The following WDR72 variants were observed in gnomAD, a reference collection of about 807,000 sequenced individuals.
WDR72 encodes the protein WD repeat-containing protein 72.
A neutral mutation model predicts 124.2 loss-of-function variants in WDR72; 120 were observed. That is an observed-to-expected ratio of 0.97 (90% CI 0.83 to 1.12). The LOEUF (loss-of-function observed/expected upper bound fraction) is 1.12, where lower values mean the gene tolerates loss of function less well. Among genes scored for constraint, WDR72 ranks in the 50% most tolerant of loss-of-function variants. WDR72 has a pLI of 0.00. For missense variants in WDR72, 1,387 were observed against 1,278.8 expected (o/e 1.08, Z -1.29); for synonymous variants, 452 against 441.7 (o/e 1.02, Z -0.29).
At chr15:53,531,051 A>G (rs992361687) in intron 18 of WDR72, among the ~76,000 whole-genome samples, 15 of 152,066 alleles carry the variant, frequency 9.9e-5, no homozygotes, top group African/African-American at 3.6e-4. Context: ...AGGAAATGGA[A>G]AATAAGAAAA....
chr15:53,609,061 G>A (rs530968352), intron 17 of WDR72, among the ~76,000 whole-genome samples: 1 of 151,974 alleles, frequency 6.6e-6, no homozygotes, highest in Non-Finnish European at 1.5e-5. Context: ...CCCATTCTCT[G>A]TGATGTGATA....
Position 53,706,060 on chromosome 15 carries a change from G to T in WDR72, c.969C>A (p.Pro323=). ...SVQENKEQSR[P]FVMGYMNERK... is the part of the protein sequence containing the mutation. ...TTTCATTCATGTAGCCCATAACAAAGGGACGGCTCTGTTCCTAAACAAAAA... is the reference window on the plus strand; with the variant it reads ...TTTCATTCATGTAGCCCATAACAAATGGACGGCTCTGTTCCTAAACAAAAA... Residue 323 remains proline (P), a synonymous_variant, in exon 10 of 20, where the codon CCC becomes CCA. Coordinates refer to ENST00000360509, the MANE Select transcript of WDR72 (RefSeq NM_182758.4). The T allele has an allele frequency of 6.2e-7, 1 of 1,613,894 alleles. No homozygotes were observed. The highest frequency in any genetic ancestry group is 1.1e-5 in the South Asian group (1 of 91,074).
intron 18 of WDR72, among the ~76,000 whole-genome samples, chr15:53,568,070 TTG>T (rs1315518795): frequency 4.4e-4 from 8 of 18,386 alleles, no homozygotes; most frequent in South Asian, 2.5e-3. Context: ...ATTTTTTGTC[TTG>T]TTTTTTTTTT....
At chr15:53,693,253 A>C (rs8182039) in intron 13 of WDR72, among the ~76,000 whole-genome samples, 43,775 of 152,046 alleles carry the variant, frequency 0.29, 6,745 homozygotes, top group Admixed American at 0.33. Flanking sequence ...CCATAAAAGA[A>C]GGTGACCAAG....
At chr15:53,728,085 C>G (rs187197172) in intron 2 of WDR72, among the ~76,000 whole-genome samples, 101 of 152,318 alleles carry the variant, frequency 6.6e-4, no homozygotes, top group South Asian at 1.9e-3. Flanking sequence ...AAAGACATAA[C>G]TGAGACCGGG....
At chr15:53,534,141 T>C (rs141068196) in intron 18 of WDR72, among the ~76,000 whole-genome samples, 69 of 152,274 alleles carry the variant, frequency 4.5e-4, no homozygotes, top group African/African-American at 1.5e-3. Flanking sequence ...CTGTCATCTT[T>C]AGCTTATCTC....
In WDR72 at chr15:53,686,869, C is replaced by T. The variant is rs545467914; in HGVS notation, c.1765+12881G>A. On this transcript the variant is annotated intron_variant, in intron 13 of 19. Coordinates refer to ENST00000360509, the MANE Select transcript of WDR72 (RefSeq NM_182758.4). ...AAATTATAACAAACTGTCTCTCAGA[C>T]CACAGTGCAATCAAACTAGAGCTCA... Among the ~76,000 whole-genome samples the T allele has an allele frequency of 2.5e-3, 376 of 151,836 alleles. 2 individuals carry two copies. The highest frequency in any genetic ancestry group is 8.8e-3 in the African/African-American group (365 of 41,260).
Position 53,712,875 on chromosome 15 carries a change from T to C in WDR72, c.608A>G (p.Tyr203Cys), listed in dbSNP as rs2017587332. 2 of 1,613,602 alleles carry C rather than the reference T, an allele frequency of 1.2e-6. No individual in the cohort carries two copies. Among genetic ancestry groups the C allele is most frequent in the Non-Finnish European group, 1.7e-6 (2 of 1,179,834 alleles). Residue 203 changes from tyrosine to cysteine, a missense_variant, in exon 7 of 20, where the codon TAT becomes TGT. Coordinates refer to ENST00000360509, the MANE Select transcript of WDR72 (RefSeq NM_182758.4). ...CTCAAGAAACTTGGATTCTTTTTCA[T>C]AGACATCTTGCTTTTCCTTCAAAAG... ...INSIQEKQDV[Y>C]EKESKFLESL...
chr15:53,525,912 T>C (rs138331221), intron 18 of WDR72, among the ~76,000 whole-genome samples: 2 of 152,234 alleles, frequency 1.3e-5, no homozygotes, highest in East Asian at 1.9e-4. Flanking sequence ...ATTCTGCCAG[T>C]TGGGAATAGA....
At chr15:53,578,375 G>T (rs2011728320) in intron 18 of WDR72, among the ~76,000 whole-genome samples, 1 of 152,124 alleles carries the variant, frequency 6.6e-6, no homozygotes, top group African/African-American at 2.4e-5. Flanking sequence ...GTGGGAAAGG[G>T]GAAAAACCTT....
At chr15:53,666,585 G>A (rs1005535483) in intron 13 of WDR72, among the ~76,000 whole-genome samples, 4 of 151,940 alleles carry the variant, frequency 2.6e-5, no homozygotes, top group African/African-American at 9.7e-5. Flanking sequence ...AAATATATAG[G>A]TTATCTCCTA....
intron 18 of WDR72, among the ~76,000 whole-genome samples, chr15:53,583,729 G>A (rs913590411): frequency 6.6e-6 from 1 of 151,998 alleles, no homozygotes. Context: ...TGCAGGGTAT[G>A]TTATATAAAA....
intron 18 of WDR72, among the ~76,000 whole-genome samples, chr15:53,582,016 G>A (rs556297734): frequency 6.6e-6 from 1 of 151,932 alleles, no homozygotes; most frequent in African/African-American, 2.4e-5. Context: ...ATGCAACTCT[G>A]AAGGGAAACC....
intron 1 of WDR72, among the ~76,000 whole-genome samples, chr15:53,744,328 AAAT>A (rs1453458994): frequency 6.6e-6 from 1 of 152,220 alleles, no homozygotes; most frequent in Non-Finnish European, 1.5e-5. Context: ...CTAGAAATAT[AAAT>A]AATTTAAAGC....
chr15:53,596,911 G>T (rs1171063055), intron 18 of WDR72, among the ~76,000 whole-genome samples, 168 bp downstream of exon 18: 1 of 152,126 alleles, frequency 6.6e-6, no homozygotes, highest in African/African-American at 2.4e-5. Flanking sequence ...AACTTACAGT[G>T]GGTTTAGCCA....
At chr15:53,632,914 A>G (rs151168564) in intron 14 of WDR72, among the ~76,000 whole-genome samples, 529 of 152,240 alleles carry the variant, frequency 3.5e-3, no homozygotes, top group African/African-American at 0.012. Flanking sequence ...CATGTTTTTG[A>G]TATTACAGGC....
At chr15:53,715,073 T>C in intron 5 of WDR72, 120 bp downstream of exon 5, 1 of 1,099,788 alleles carries the variant, frequency 9.1e-7, no homozygotes, top group Non-Finnish European at 1.3e-6. Flanking sequence ...ATATCCTCAT[T>C]AACAGGTAAG....
chr15:53,609,736 A>G, intron 16 of WDR72, 144 bp from the exon 17 acceptor site: 1 of 719,912 alleles, frequency 1.4e-6, no homozygotes, highest in Non-Finnish European at 2.4e-6. Flanking sequence ...AGAGATTTTT[A>G]TTTTACAGAT....
intron 18 of WDR72, among the ~76,000 whole-genome samples, chr15:53,561,094 C>G (rs1219690341): frequency 1.3e-5 from 2 of 151,684 alleles, no homozygotes; most frequent in Non-Finnish European, 2.9e-5. Context: ...TTTTGAGTAT[C>G]ATAAACTGCA....
Sources: allele counts gnomAD v4.1 joint callset (sites outside exome capture counted in the v4.1 genomes callset), GRCh38; gene constraint gnomAD v4.1.1; transcripts MANE v1.5; gene names NCBI Gene and HGNC (gene_info 2026-07-23, HGNC 2026-07-21).